OSBPL6: variants seen among roughly 807,000 people sequenced by gnomAD.
The protein encoded by OSBPL6 is oxysterol-binding protein-related protein 6.
OSBPL6 carries 49 observed loss-of-function variants against 125.8 expected under a neutral mutation model. The observed-to-expected ratio is 0.39, with a 90% confidence interval of 0.31 to 0.49. The LOEUF is 0.49. OSBPL6 is among the 20% of genes least tolerant of loss of function. The pLI, the probability that OSBPL6 is intolerant of heterozygous loss-of-function variation, is 0.88. For missense variants in OSBPL6, 986 were observed against 1,135.4 expected (o/e 0.87, Z 1.89); for synonymous variants, 394 against 391.8 (o/e 1.01, Z -0.07).
At chr2:178,369,359 T>C (rs1362108144) in intron 13 of OSBPL6, among the ~76,000 whole-genome samples, 2 of 152,184 alleles carry the variant, frequency 1.3e-5, no homozygotes, top group African/African-American at 2.4e-5. Context: ...CTATGAACCA[T>C]AATCTAAGCA....
chr2:178,280,028 C>A (rs1559195141), intron 1 of OSBPL6, among the ~76,000 whole-genome samples: 1 of 151,862 alleles, frequency 6.6e-6, no homozygotes. Flanking sequence ...TGAAACTCTG[C>A]CTCTACTAAA....
At chr2:178,353,500 A>T (rs897099228) in intron 12 of OSBPL6, among the ~76,000 whole-genome samples, 1 of 152,236 alleles carries the variant, frequency 6.6e-6, no homozygotes, top group African/African-American at 2.4e-5. Flanking sequence ...GGTATCAGTG[A>T]TTGAATATCA....
chr2:178,313,176 A>G (rs1320118594), intron 3 of OSBPL6, among the ~76,000 whole-genome samples: 1 of 152,202 alleles, frequency 6.6e-6, no homozygotes, highest in Admixed American at 6.5e-5. Context: ...GATTACAAGC[A>G]TGAGCCACCA....
intron 21 of OSBPL6, among the ~76,000 whole-genome samples, chr2:178,390,444 T>C (rs1369208847): frequency 6.6e-6 from 1 of 152,174 alleles, no homozygotes; most frequent in African/African-American, 2.4e-5. Flanking sequence ...TCTTCAGACC[T>C]AAAGGTGCAC....
chr2:178,279,349 T>C (rs1683896642), intron 1 of OSBPL6, among the ~76,000 whole-genome samples: 2 of 152,040 alleles, frequency 1.3e-5, no homozygotes, highest in African/African-American at 4.8e-5. Flanking sequence ...TAAAGGAAAA[T>C]TCTGTTGCAA....
chr2:178,228,351 T>G (rs140847660), intron 1 of OSBPL6, among the ~76,000 whole-genome samples: 1 of 152,058 alleles, frequency 6.6e-6, no homozygotes, highest in Non-Finnish European at 1.5e-5. Flanking sequence ...CTGGCTAACA[T>G]GGTGAAACAC....
At chr2:178,320,172 A>T in intron 3 of OSBPL6, 1 of 1,299,232 alleles carries the variant, frequency 7.7e-7, no homozygotes, top group Non-Finnish European at 1.0e-6. Context: ...GCTATTATTA[A>T]GTGTCTCATT....
intron 1 of OSBPL6, among the ~76,000 whole-genome samples, chr2:178,234,981 T>C (rs2090989023): frequency 6.6e-6 from 1 of 152,198 alleles, no homozygotes; most frequent in African/African-American, 2.4e-5. Context: ...CTTACCACCT[T>C]ATCAAATATG....
At chr2:178,235,610 G>T (rs1001711169) in intron 1 of OSBPL6, among the ~76,000 whole-genome samples, 12 of 152,004 alleles carry the variant, frequency 7.9e-5, no homozygotes, top group African/African-American at 2.7e-4. Context: ...GTTTCATCAT[G>T]TTAGCCAGGA....
intron 1 of OSBPL6, among the ~76,000 whole-genome samples, chr2:178,272,764 G>A (rs1312600354): frequency 6.6e-6 from 1 of 152,206 alleles, no homozygotes; most frequent in Non-Finnish European, 1.5e-5. Context: ...TTGAGCTTTA[G>A]CACACTTTAG....
chr2:178,362,816 C>G (rs982385414), intron 13 of OSBPL6, among the ~76,000 whole-genome samples: 8 of 152,184 alleles, frequency 5.3e-5, no homozygotes, highest in Admixed American at 2.0e-4. Flanking sequence ...ACACTGTCAG[C>G]TGAGGGGCAT....
intron 3 of OSBPL6, chr2:178,323,554 C>A (rs1474723854): frequency 1.3e-5 from 2 of 152,192 alleles, no homozygotes; most frequent in Non-Finnish European, 2.9e-5. Context: ...CCTCCGTCTC[C>A]CAGGTTCAAG....
In OSBPL6 at chr2:178,395,564, G is replaced by A; in HGVS notation, c.*5G>A. The A allele has an allele frequency of 6.3e-7, 1 of 1,580,494 alleles. No homozygotes were observed. The highest frequency in any genetic ancestry group is 1.1e-5 in the South Asian group (1 of 89,972). On this transcript the variant is annotated 3_prime_UTR_variant, in exon 25 of 25. Coordinates refer to ENST00000190611, the MANE Select transcript of OSBPL6 (RefSeq NM_032523.4). ...GACAGCCCTGTTCTTTGGTAGACTG[G>A]GAATGTAGAGCTAGCCAACATATCA...
At chr2:178,351,737 G>T (rs1021808921) in intron 12 of OSBPL6, among the ~76,000 whole-genome samples, 2 of 152,172 alleles carry the variant, frequency 1.3e-5, no homozygotes, top group South Asian at 4.1e-4. Context: ...ACTGACGCAG[G>T]AACAGAAAAC....
intron 3 of OSBPL6, among the ~76,000 whole-genome samples, chr2:178,323,171 A>T (rs1253722327): frequency 6.6e-6 from 1 of 152,144 alleles, no homozygotes; most frequent in Non-Finnish European, 1.5e-5. Flanking sequence ...TATCTAATTT[A>T]TATTTTCTTT....
chr2:178,257,500 TATTAATG>T (rs1192134104), intron 1 of OSBPL6, among the ~76,000 whole-genome samples: 1 of 152,236 alleles, frequency 6.6e-6, no homozygotes, highest in Non-Finnish European at 1.5e-5. Context: ...TGTCGTAATA[TATTAATG>T]ATTTCTTCAA....
chr2:178,342,843 A>G (rs905182169), intron 11 of OSBPL6, among the ~76,000 whole-genome samples: 1 of 152,348 alleles, frequency 6.6e-6, no homozygotes, highest in East Asian at 1.9e-4. Flanking sequence ...GAAAGTACAT[A>G]GTAGCAGACA....
intron 1 of OSBPL6, among the ~76,000 whole-genome samples, chr2:178,227,361 G>T (rs1330127038): frequency 6.6e-6 from 1 of 152,178 alleles, no homozygotes; most frequent in Admixed American, 6.5e-5. Context: ...CTAGTAAATT[G>T]TTGTAACAAC....
rs1480389971 is a variant in OSBPL6, at chr2:178,361,786, A to G, written c.1258A>G (p.Met420Val). The G allele has an allele frequency of 6.2e-7, 1 of 1,614,042 alleles. No individual in the cohort carries two copies. Among genetic ancestry groups the G allele is most frequent in the Non-Finnish European group, 8.5e-7 (1 of 1,180,010 alleles). Residue 420 changes from methionine (M) to valine (V), a missense_variant, in exon 13 of 25, where the codon ATG (methionine) becomes GTG (valine). Coordinates refer to ENST00000190611, the MANE Select transcript of OSBPL6 (RefSeq NM_032523.4). ...QDHSKGHSTQ[M>V]ARLRQSLSQA... ...TCACAGTAAAGGCCACAGCACGCAG[A>G]TGGCACGGCTCCGACAGTCACTGTC...
Sources: allele counts gnomAD v4.1 joint callset (sites outside exome capture counted in the v4.1 genomes callset), GRCh38; gene constraint gnomAD v4.1.1; transcripts MANE v1.5; gene names NCBI Gene and HGNC (gene_info 2026-07-23, HGNC 2026-07-21).